The following XKR4 variants were observed in gnomAD, a reference collection of about 807,000 sequenced individuals.
XKR4 encodes XK related 4.
A neutral mutation model predicts 53.9 loss-of-function variants in XKR4; 12 were observed. The observed-to-expected ratio is 0.22, with a 90% CI of 0.14 to 0.36. The LOEUF (loss-of-function observed/expected upper bound fraction) is 0.36. XKR4 is among the 10% of genes least tolerant of loss of function. The probability of loss-of-function intolerance (pLI) is 1.00; values close to 1 mark genes in which losing one functional copy is unlikely to be tolerated. For missense variants in XKR4, 799 were observed against 859.5 expected (o/e 0.93, Z 0.88); for synonymous variants, 354 against 362.4 (o/e 0.98, Z 0.26).
rs192315212 is a variant in XKR4 at position 55,537,673 on chromosome 8, G to A, written c.*13446G>A. Reference sequence around the variant, plus strand: ...TGCCAAGTTAGAATGTCTTTATGGGGAAGGCAATAAAGTTACTTGTTGGGT... The same window carrying A: ...TGCCAAGTTAGAATGTCTTTATGGGAAAGGCAATAAAGTTACTTGTTGGGT... On this transcript the variant is annotated 3_prime_UTR_variant, in exon 3 of 3. Transcript: ENST00000327381. 2.9e-3 allele frequency: 438 copies of A among 152,276 alleles called. 1 individual carries two copies. The highest frequency in any genetic ancestry group is 0.01 in the African/African-American group (426 of 41,556). The allele number at this position is 152,276 out of a possible 1,614,324, so 9.4% of individuals were successfully genotyped here. A position where few individuals can be genotyped will look rare whatever the true frequency, so the allele number is the denominator to read the frequency against.
At chr8:55,441,973 G>A (rs141379156) in intron 2 of XKR4, among the ~76,000 whole-genome samples, 9 of 150,992 alleles carry the variant, frequency 6.0e-5, no homozygotes, top group Admixed American at 1.3e-4. Context: ...TAAGCCCAAA[G>A]AAAATAGAAA....
At chr8:55,373,795 CTA>C (rs1804109738) in intron 2 of XKR4, among the ~76,000 whole-genome samples, 1 of 151,832 alleles carries the variant, frequency 6.6e-6, no homozygotes, top group South Asian at 2.1e-4. Flanking sequence ...GTTACAAAAA[CTA>C]TGTGAAGTAA....
At position 55,524,236 on chromosome 8, in the gene XKR4, G is replaced by A. The variant is rs751038148; in HGVS notation, c.*9G>A. Reference sequence around the variant, plus strand: ...ACGAAACCACTTTATAAAGCAAAAGGAGTTGCAGGACCCACAACATCCAGA... The same window carrying A: ...ACGAAACCACTTTATAAAGCAAAAGAAGTTGCAGGACCCACAACATCCAGA... On this transcript the variant is annotated 3_prime_UTR_variant, in exon 3 of 3. Coordinates refer to ENST00000327381, the MANE Select transcript of XKR4 (RefSeq NM_052898.2). The A allele has an allele frequency of 2.5e-5, 40 of 1,604,960 alleles. No individual in the cohort carries two copies. The highest frequency in any genetic ancestry group is 3.3e-5 in the Non-Finnish European group (39 of 1,174,846).
intron 1 of XKR4, among the ~76,000 whole-genome samples, chr8:55,221,258 G>A (rs1817877407): frequency 1.3e-5 from 2 of 152,208 alleles, no homozygotes; most frequent in African/African-American, 4.8e-5. Context: ...AGCCGACAAT[G>A]TGTTTTATGA....
intron 1 of XKR4, among the ~76,000 whole-genome samples, chr8:55,242,280 C>A (rs2129368396): frequency 6.6e-6 from 1 of 152,286 alleles, no homozygotes; most frequent in Admixed American, 6.5e-5. Flanking sequence ...ATCTCCTTGG[C>A]AATCTTCTCT....
chr8:55,440,917 T>C (rs924758757), intron 2 of XKR4, among the ~76,000 whole-genome samples: 1 of 151,946 alleles, frequency 6.6e-6, no homozygotes, highest in African/African-American at 2.4e-5. Context: ...AAATAGAAGC[T>C]GTCAAATACA....
chr8:55,462,743 A>G (rs932474871), intron 2 of XKR4, among the ~76,000 whole-genome samples: 2 of 152,220 alleles, frequency 1.3e-5, no homozygotes, highest in Non-Finnish European at 2.9e-5. Context: ...TCACGTGCAG[A>G]GACACACATA....
In XKR4 at chr8:55,528,418, G is replaced by A. The variant is rs1457287119; in HGVS notation, c.*4191G>A. On this transcript the variant is annotated 3_prime_UTR_variant, in exon 3 of 3. Transcript: ENST00000327381. ...ACATTTGCTTTTAAATATACCAAAT[G>A]CCGTTGATTGGAAACAAGTTCTGAC... 1 of 152,244 alleles carries A rather than the reference G, an allele frequency of 6.6e-6. No homozygotes were observed. The highest frequency in any genetic ancestry group is 2.4e-5 in the African/African-American group (1 of 41,466). The allele number at this position is 152,244 out of a possible 1,614,324, so 9.4% of individuals were successfully genotyped here. A position where few individuals can be genotyped will look rare whatever the true frequency, so the allele number is the denominator to read the frequency against.
In XKR4 at chr8:55,358,094, T is replaced by C. The variant is rs538405048; in HGVS notation, c.1006+217T>C. Among the ~76,000 whole-genome samples, 6 of 152,326 alleles carry C rather than the reference T, an allele frequency of 3.9e-5. No individual in the cohort carries two copies. In the South Asian group the frequency reaches 1.0e-3, roughly 26 times the overall value. Reference sequence around the variant, plus strand: ...GCGCATTTTTGCTCTCCAGCTGTCCTCTTAGTAGGAAAAAAAAAATCTTTA... The same window carrying C: ...GCGCATTTTTGCTCTCCAGCTGTCCCCTTAGTAGGAAAAAAAAAATCTTTA... On this transcript the variant is annotated intron_variant, in intron 2 of 2. Transcript: ENST00000327381.
In XKR4 at chr8:55,270,067, G is replaced by A. The variant is rs185842058; in HGVS notation, c.807-87611G>A. ...AATGTGAATTAAGCATCCTCACTACGTCACAGGCCATTTAGGTGTATTCCA... is the reference window on the plus strand; with the variant it reads ...AATGTGAATTAAGCATCCTCACTACATCACAGGCCATTTAGGTGTATTCCA... On this transcript the variant is annotated intron_variant, in intron 1 of 2. Transcript: ENST00000327381. Among the ~76,000 whole-genome samples the A allele has an allele frequency of 5.3e-5, 8 of 152,248 alleles. No individual in the cohort carries two copies. The South Asian group carries it at 8.3e-4, about 16-fold the overall frequency.
rs1451041206 is a variant in XKR4, at chr8:55,531,319, TG to T, written c.*7094del. 1.3e-5 allele frequency: 2 copies of T among 152,302 alleles called. No individual in the cohort carries two copies. Among genetic ancestry groups the T allele is most frequent in the Non-Finnish European group, 2.9e-5 (2 of 68,032 alleles). The allele number at this position is 152,302 out of a possible 1,614,324, so 9.4% of individuals were successfully genotyped here. On this transcript the variant is annotated 3_prime_UTR_variant, in exon 3 of 3. Coordinates refer to ENST00000327381, the MANE Select transcript of XKR4 (RefSeq NM_052898.2). ...AATACTGTAGGCAACTGTAACACCA[TG>T]GTAAGTACTTGTGTATTTAAATATA...
intron 1 of XKR4, among the ~76,000 whole-genome samples, chr8:55,224,135 TG>T: frequency 6.6e-6 from 1 of 152,334 alleles, no homozygotes; most frequent in East Asian, 1.9e-4. Context: ...TTTTCATTTT[TG>T]CCTCCTTCCT....
chr8:55,434,099 CTTTATT>C lies in XKR4; in HGVS notation c.1006+76227_1006+76232del, dbSNP rs1304397180. Among the ~76,000 whole-genome samples the C allele has an allele frequency of 7.9e-5, 12 of 152,054 alleles. No individual in the cohort carries two copies. The East Asian group carries it at 1.9e-3, about 24-fold the overall frequency. On this transcript the variant is annotated intron_variant, in intron 2 of 2. Transcript: ENST00000327381. Reference sequence around the variant, plus strand: ...CAAGTTCAAGATAAGGTGCTTCACTCTTTATTTTTAAAAGTTTACTTATTAAAAAAT... The same window carrying C: ...CAAGTTCAAGATAAGGTGCTTCACTCTTTAAAAGTTTACTTATTAAAAAAT...
At chr8:55,171,573 C>T (rs1817158474) in intron 1 of XKR4, among the ~76,000 whole-genome samples, 1 of 152,148 alleles carries the variant, frequency 6.6e-6, no homozygotes, top group African/African-American at 2.4e-5. Flanking sequence ...GACTTGGTTC[C>T]TCGTCTGTAT....
intron 2 of XKR4, among the ~76,000 whole-genome samples, chr8:55,518,510 A>G (rs1486224929): frequency 1.3e-5 from 2 of 152,214 alleles, no homozygotes; most frequent in Non-Finnish European, 2.9e-5. Context: ...GAAATACACT[A>G]ATTAAACAAG....
At chr8:55,409,191 A>T (rs113363594) in intron 2 of XKR4, among the ~76,000 whole-genome samples, 2,593 of 152,294 alleles carry the variant, frequency 0.017, 29 homozygotes, top group Middle Eastern at 0.037. Flanking sequence ...CCATGTGTAA[A>T]CCCTGTGTTG....
chr8:55,290,912 CT>C (rs1294567364), intron 1 of XKR4, among the ~76,000 whole-genome samples: 4 of 152,016 alleles, frequency 2.6e-5, no homozygotes, highest in Non-Finnish European at 5.9e-5. Context: ...TGTTAATATC[CT>C]TTATGAATTA....
At chr8:55,273,306 C>G (rs1351476721) in intron 1 of XKR4, among the ~76,000 whole-genome samples, 2 of 152,154 alleles carry the variant, frequency 1.3e-5, no homozygotes, top group Admixed American at 6.6e-5. Flanking sequence ...CTGACTCCAT[C>G]TTGCTTCTAA....
intron 1 of XKR4, among the ~76,000 whole-genome samples, chr8:55,299,890 G>A (rs1343664612): frequency 6.6e-6 from 1 of 152,114 alleles, no homozygotes; most frequent in Non-Finnish European, 1.5e-5. Flanking sequence ...AGGACCTGAG[G>A]AGGGAGATTT....
Sources: allele counts gnomAD v4.1 joint callset (sites outside exome capture counted in the v4.1 genomes callset), GRCh38; gene constraint gnomAD v4.1.1; transcripts MANE v1.5; gene names NCBI Gene and HGNC (gene_info 2026-07-23, HGNC 2026-07-21).